Variants in OTOF observed in about 807,000 individuals in gnomAD.
OTOF encodes fer-1-like family member 2.
OTOF carries 218 observed loss-of-function variants against 236.8 expected under a neutral mutation model. That is an observed-to-expected ratio of 0.92 (90% confidence interval 0.82 to 1.03). The LOEUF is 1.03. OTOF is among the 50% of genes least tolerant of loss of function. OTOF has a pLI of 0.00. For synonymous variants in OTOF, 1,041 were observed against 1,072.5 expected, an observed-to-expected ratio of 0.97 and a Z score of 0.57; for missense variants, 2,590 against 2,694.4, an observed-to-expected ratio of 0.96 and a Z score of 0.86.
chr2:26,461,179 G>T lies in OTOF; in HGVS notation c.5534-149C>A. ...CCTCCTGCCTCACTCCCAGCAACTG[G>T]CCTCAATGCAGGCATCCTCGTGGGC... On this transcript the variant is annotated intron_variant, in intron 43 of 46. Transcript: ENST00000272371. This position sits in a 1 kb window ranked among gnomAD's most constrained non-coding sequence, Gnocchi z 6.2. 1.3e-6 allele frequency: 1 copy of T among 756,118 alleles called. No individual in the cohort carries two copies. Among genetic ancestry groups the T allele is most frequent in the Non-Finnish European group, 2.2e-6 (1 of 448,344 alleles). 46.8% of individuals were successfully genotyped at this position (756,118 alleles called of 1,614,324 possible).
intron 1 of OTOF, among the ~76,000 whole-genome samples, chr2:26,551,646 C>T (rs1667465072): frequency 6.6e-6 from 1 of 152,344 alleles, no homozygotes; most frequent in Middle Eastern, 3.4e-3. Flanking sequence ...TCCCCACCAT[C>T]CCCCAGTGCG....
At chr2:26,476,755 C>A in intron 22 of OTOF, 136 bp downstream of exon 22, 1 of 526,738 alleles carries the variant, frequency 1.9e-6, no homozygotes, top group Non-Finnish European at 3.5e-6. Flanking sequence ...CCCCCACGTC[C>A]TTCCCATTCT....
chr2:26,541,381 T>C (rs11679769), intron 1 of OTOF, among the ~76,000 whole-genome samples: 52,122 of 152,154 alleles, frequency 0.34, 11,244 homozygotes, highest in Admixed American at 0.49. Context: ...GATTTAGAGA[T>C]GGTGAATATT....
chr2:26,536,201 G>T (rs940589578), intron 2 of OTOF, among the ~76,000 whole-genome samples: 1 of 152,198 alleles, frequency 6.6e-6, no homozygotes, highest in African/African-American at 2.4e-5. Context: ...TGTCTCAGTG[G>T]GCAGCCATGA....
At chr2:26,476,565 T>TC (rs1387182484) in intron 22 of OTOF, among the ~76,000 whole-genome samples, 3 of 58,520 alleles carry the variant, frequency 5.1e-5, no homozygotes, top group Non-Finnish European at 9.3e-5. Flanking sequence ...CCCACCTCCT[T>TC]CCCCACCCCT....
At chr2:26,537,661 G>T in intron 2 of OTOF, 55 bp downstream of exon 2, 2 of 1,375,554 alleles carry the variant, frequency 1.5e-6, no homozygotes, top group Non-Finnish European at 2.0e-6. Context: ...AGCGAAGGGT[G>T]GCTGTTCCCC....
rs1310656089 is a variant in OTOF, at chr2:26,519,028, G to C, written c.309C>G (p.Asp103Glu). 3.1e-6 allele frequency: 5 copies of C among 1,608,300 alleles called. No homozygotes were observed. The change falls in exon 4 of 47, where the codon GAC (aspartate) becomes GAG (glutamate). Residue 103 changes from aspartate (D) to glutamate (E), a missense_variant. Asp to Glu is a conservative substitution (Grantham distance 45). Around this residue, in one of 2 missense-constraint regions of OTOF, gnomAD observed 1,379 missense variants for 1,341.6 expected, o/e 1.03. Transcript: ENST00000272371. Reference sequence around the variant, plus strand: ...TACCCACCTTGATGATAGCATTGTTGTCATCAATCAGCGTGTCAGTCACCT... The same window carrying C: ...TACCCACCTTGATGATAGCATTGTTCTCATCAATCAGCGTGTCAGTCACCT... ...HVEVTDTLID[D>E]NNAIIKTSLC... is the part of the protein sequence containing the mutation.
chr2:26,545,760 A>G (rs1667315747), intron 1 of OTOF, among the ~76,000 whole-genome samples: 1 of 152,176 alleles, frequency 6.6e-6, no homozygotes, highest in South Asian at 2.1e-4. Context: ...TTTTTTCTCC[A>G]TATAGATACC....
At chr2:26,520,603 A>T (rs1021148025) in intron 3 of OTOF, among the ~76,000 whole-genome samples, 1 of 152,196 alleles carries the variant, frequency 6.6e-6, no homozygotes, top group African/African-American at 2.4e-5. Flanking sequence ...CCCTTAGAGC[A>T]GCCCATGGAA....
chr2:26,471,143 T>G lies in OTOF; in HGVS notation c.3872A>C (p.Glu1291Ala). 1 of 1,613,980 alleles carries G rather than the reference T, an allele frequency of 6.2e-7. No homozygotes were observed. The highest frequency in any genetic ancestry group is 1.1e-5 in the South Asian group (1 of 91,080). Residue 1291 changes from glutamate to alanine, a missense_variant, in exon 31 of 47, where the codon GAA (glutamate) becomes GCA (alanine). By Grantham distance (107) the Glu-to-Ala change is moderately radical (BLOSUM62 -1). This residue lies in a region of OTOF where 1,211 missense variants were observed against 1,352.8 expected (regional missense o/e 0.90). Transcript: ENST00000272371. ...CACCACATCCACCTTGACAACAGCT[T>G]CAGAAGTCTGCAGAGGAACCAAGGA... ...ETMVKLDATSEAVVKVDVAEE... is the reference protein window; with the variant it reads ...ETMVKLDATSAAVVKVDVAEE...
intron 3 of OTOF, among the ~76,000 whole-genome samples, chr2:26,526,086 CAAA>C (rs796661291): frequency 6.8e-5 from 4 of 58,422 alleles, no homozygotes; most frequent in African/African-American, 1.6e-4. Flanking sequence ...GACTCTGTCT[CAAA>C]AAAAAAAAAA....
intron 9 of OTOF, among the ~76,000 whole-genome samples, chr2:26,491,668 G>A (rs776609468): frequency 4.6e-5 from 7 of 152,170 alleles, no homozygotes; most frequent in African/African-American, 9.7e-5. Flanking sequence ...TGCCCAGGGC[G>A]GGGCCAGATG....
intron 5 of OTOF, chr2:26,510,661 T>C: frequency 8.0e-7 from 1 of 1,249,016 alleles, no homozygotes; most frequent in Non-Finnish European, 1.0e-6. Flanking sequence ...GGCCTCTGTC[T>C]CCCCAGAGAC....
chr2:26,551,132 G>A (rs940213430), intron 1 of OTOF, among the ~76,000 whole-genome samples: 4 of 152,140 alleles, frequency 2.6e-5, no homozygotes, highest in African/African-American at 9.7e-5. Context: ...TGGGATTATA[G>A]GCGTGCACCA....
chr2:26,501,263 C>T (rs1232530872), intron 8 of OTOF, among the ~76,000 whole-genome samples: 1 of 152,164 alleles, frequency 6.6e-6, no homozygotes, highest in Non-Finnish European at 1.5e-5. Context: ...TTGTGTTAAT[C>T]TCAGAAAATA....
intron 14 of OTOF, among the ~76,000 whole-genome samples, chr2:26,482,094 T>TA (rs1665554434): frequency 6.6e-6 from 1 of 152,224 alleles, no homozygotes; most frequent in African/African-American, 2.4e-5. Context: ...TACACTGCTA[T>TA]AATGTGCATA....
At chr2:26,529,229 C>T (rs140541506) in intron 2 of OTOF, among the ~76,000 whole-genome samples, 11 of 152,302 alleles carry the variant, frequency 7.2e-5, no homozygotes, top group African/African-American at 1.2e-4. Context: ...CTGCTCAAGA[C>T]GCTGTGGAGA....
At position 26,501,828 on chromosome 2, in the gene OTOF, A is replaced by G; in HGVS notation, c.711-20T>C. 1 of 1,603,816 alleles carries G rather than the reference A, an allele frequency of 6.2e-7. No homozygotes were observed. The highest frequency in any genetic ancestry group is 8.5e-7 in the Non-Finnish European group (1 of 1,170,576). On this transcript the variant is annotated intron_variant, in intron 7 of 46. Coordinates refer to ENST00000272371, the MANE Select transcript of OTOF (RefSeq NM_194248.3). The stretch of plus-strand genomic sequence containing the variant: ...TTAGATCTGAGGAAGAGAATGTACC[A>G]TCAGGCCTGGGGTATGGGGACTGCT...
chr2:26,490,028 A>G lies in OTOF; in HGVS notation c.898-288T>C, dbSNP rs547589416. The stretch of plus-strand genomic sequence containing the variant: ...CAGCCCATGCCCTTGTACTGTGCTC[A>G]GAAGAGGCACAGGGCCAGGGAGCAA... On this transcript the variant is annotated intron_variant, in intron 9 of 46. Transcript: ENST00000272371. Among the ~76,000 whole-genome samples the G allele has an allele frequency of 2.0e-5, 3 of 152,326 alleles. No homozygotes were observed. In the East Asian group the frequency reaches 5.8e-4, roughly 29 times the overall value.
Sources: gnomAD v4.1 joint callset for allele counts (sites outside exome capture counted in the v4.1 genomes callset) on GRCh38, gnomAD v4.1.1 for gene constraint, gnomAD v4.1.1 regional missense constraint, Gnocchi (gnomAD v3.1) non-coding constraint, MANE v1.5 for transcripts, NCBI Gene and HGNC (gene_info 2026-07-23, HGNC 2026-07-21) for gene names.